PRKG1: variants seen among roughly 807,000 people sequenced by gnomAD.
PRKG1 encodes the protein cGMP-dependent protein kinase 1.
In PRKG1, 35 loss-of-function variants were observed where a neutral mutation model predicts 88.1. The ratio of observed to expected loss-of-function variants is 0.40; its 90% CI spans 0.30 to 0.53. The LOEUF (loss-of-function observed/expected upper bound fraction) is 0.53. PRKG1 is among the 20% of genes least tolerant of loss of function. The probability of loss-of-function intolerance (pLI) is 0.59; values close to 1 mark genes in which losing one functional copy is unlikely to be tolerated. For synonymous variants in PRKG1, 303 were observed against 292.5 expected, an observed-to-expected ratio of 1.04 and a Z score of -0.37; for missense variants, 540 against 839.8, an observed-to-expected ratio of 0.64 and a Z score of 4.41.
At chr10:52,201,778 A>G (rs1839676287) in intron 9 of PRKG1, among the ~76,000 whole-genome samples, 1 of 152,042 alleles carries the variant, frequency 6.6e-6, no homozygotes, top group African/African-American at 2.4e-5. Context: ...CTCCCTGACT[A>G]GATGTATTCC....
At chr10:52,011,934 C>T (rs1433179746) in intron 5 of PRKG1, among the ~76,000 whole-genome samples, 1 of 152,184 alleles carries the variant, frequency 6.6e-6, no homozygotes, top group African/African-American at 2.4e-5. Flanking sequence ...TTGCCTGCTG[C>T]CATCCATGTA....
chr10:51,799,239 C>T (rs1490476955), intron 3 of PRKG1, among the ~76,000 whole-genome samples: 2 of 152,108 alleles, frequency 1.3e-5, no homozygotes, highest in East Asian at 1.9e-4. Flanking sequence ...TGCTTTAAAC[C>T]CTTCCGTGCC....
Position 51,459,760 on chromosome 10 carries a change from G to A in PRKG1, c.479-7963G>A, listed in dbSNP as rs1359738569. On this transcript the variant is annotated intron_variant, in intron 2 of 17. Coordinates refer to ENST00000373980, the MANE Select transcript of PRKG1 (RefSeq NM_006258.4). Reference sequence around the variant, plus strand: ...AGGATGTTATTCTAACATCAGTAGAGTGTCTTCATAAGCTTAGAAATTTCT... The same window carrying A: ...AGGATGTTATTCTAACATCAGTAGAATGTCTTCATAAGCTTAGAAATTTCT... Among the ~76,000 whole-genome samples the A allele has an allele frequency of 2.0e-5, 3 of 152,116 alleles. No individual in the cohort carries two copies. The East Asian group carries it at 5.8e-4, about 29-fold the overall frequency.
At chr10:51,640,180 A>G (rs1467801437) in intron 3 of PRKG1, among the ~76,000 whole-genome samples, 1 of 152,180 alleles carries the variant, frequency 6.6e-6, no homozygotes, top group African/African-American at 2.4e-5. Context: ...CCAATTGTAC[A>G]TGGTAGATGG....
At chr10:51,952,001 A>C (rs2133054240) in intron 5 of PRKG1, among the ~76,000 whole-genome samples, 1 of 152,314 alleles carries the variant, frequency 6.6e-6, no homozygotes, top group Admixed American at 6.5e-5. Context: ...TGCCATACCC[A>C]TTTGTTAACA....
chr10:51,783,423 C>T (rs574838881), intron 3 of PRKG1, among the ~76,000 whole-genome samples: 18 of 152,144 alleles, frequency 1.2e-4, no homozygotes, highest in Non-Finnish European at 2.1e-4. Context: ...GGATTACAAG[C>T]GTCCCCCACC....
rs1171749391 is a variant in PRKG1, at chr10:51,449,382, G to A, written c.479-18341G>A. On this transcript the variant is annotated intron_variant, in intron 2 of 17. Transcript: ENST00000373980. ...TGGGAAATGTGAAGAACTTATGTAA[G>A]CCCTTTTGTCTTGGTCTCACTGAAG... 4.6e-5 allele frequency among the ~76,000 whole-genome samples: 7 copies of A among 151,380 alleles called. No individual in the cohort carries two copies. In the South Asian group the frequency reaches 1.5e-3, roughly 32 times the overall value.
intron 2 of PRKG1, among the ~76,000 whole-genome samples, chr10:51,301,739 C>T (rs945481831): frequency 2.0e-5 from 3 of 152,128 alleles, no homozygotes; most frequent in African/African-American, 4.8e-5. Flanking sequence ...ACCACTTTCC[C>T]GTAAGAAGCC....
intron 2 of PRKG1, among the ~76,000 whole-genome samples, chr10:51,345,112 CGTTTAT>C (rs1842083803): frequency 6.6e-6 from 1 of 151,890 alleles, no homozygotes; most frequent in Non-Finnish European, 1.5e-5. Context: ...ATGGGTGCTG[CGTTTAT>C]GTCAGAAAAC....
chr10:51,950,922 C>A (rs1031732568), intron 5 of PRKG1, among the ~76,000 whole-genome samples: 3 of 152,208 alleles, frequency 2.0e-5, no homozygotes, highest in African/African-American at 7.2e-5. Context: ...CTGCAGAGAG[C>A]GGACGTGGGG....
chr10:51,404,884 G>A (rs1420314433), intron 2 of PRKG1, among the ~76,000 whole-genome samples: 2 of 152,104 alleles, frequency 1.3e-5, no homozygotes, highest in East Asian at 3.9e-4. Context: ...TGGTGAGCAA[G>A]GGGCCATCCT....
intron 7 of PRKG1, among the ~76,000 whole-genome samples, chr10:52,120,220 A>G (rs1847788195): frequency 6.6e-6 from 1 of 152,174 alleles, no homozygotes; most frequent in Non-Finnish European, 1.5e-5. Context: ...TAAAGATCCC[A>G]CCACTCAATA....
At chr10:51,262,960 C>T (rs1034076809) in intron 2 of PRKG1, among the ~76,000 whole-genome samples, 2 of 152,116 alleles carry the variant, frequency 1.3e-5, no homozygotes, top group South Asian at 2.1e-4. Flanking sequence ...CTCTATCAGC[C>T]CACATAAGAG....
At chr10:51,782,904 C>T (rs1564644879) in intron 3 of PRKG1, among the ~76,000 whole-genome samples, 3 of 151,982 alleles carry the variant, frequency 2.0e-5, no homozygotes, top group African/African-American at 4.8e-5. Flanking sequence ...TTATCAGTAG[C>T]GTGAAAATGG....
rs562929332 is a variant in PRKG1 at position 51,066,910 on chromosome 10, G to A, written c.266+75266G>A. 8.6e-5 allele frequency among the ~76,000 whole-genome samples: 13 copies of A among 152,020 alleles called. No individual in the cohort carries two copies. In the East Asian group the frequency reaches 1.2e-3, roughly 14 times the overall value. Reference sequence around the variant, plus strand: ...CTGAGGGAAGCCCTGCATTAGAGTCGCCTGGTTGCTAGCAGAGCTTTCTTT... The same window carrying A: ...CTGAGGGAAGCCCTGCATTAGAGTCACCTGGTTGCTAGCAGAGCTTTCTTT... On this transcript the variant is annotated intron_variant, in intron 1 of 17. Transcript: ENST00000401604.
At chr10:52,069,324 A>G (rs1376812818) in intron 7 of PRKG1, among the ~76,000 whole-genome samples, 1 of 152,120 alleles carries the variant, frequency 6.6e-6, no homozygotes, top group Non-Finnish European at 1.5e-5. Context: ...TGAGGTCAGG[A>G]GTTTGAGACC....
At chr10:51,987,533 A>G (rs2133121614) in intron 5 of PRKG1, among the ~76,000 whole-genome samples, 1 of 151,416 alleles carries the variant, frequency 6.6e-6, no homozygotes, top group Admixed American at 6.6e-5. Flanking sequence ...TTTCACTTTC[A>G]ACAGTCCCAG....
intron 7 of PRKG1, among the ~76,000 whole-genome samples, chr10:52,120,804 C>T (rs1304488484): frequency 8.5e-5 from 13 of 152,056 alleles, no homozygotes; most frequent in Admixed American, 8.5e-4. Context: ...TGCACTCTGG[C>T]GGCTCTACGG....
chr10:51,704,617 G>C (rs2132421209), intron 3 of PRKG1, among the ~76,000 whole-genome samples: 1 of 152,274 alleles, frequency 6.6e-6, no homozygotes, highest in South Asian at 2.1e-4. Context: ...GAGATTTAGG[G>C]AAGGGTTATA....
Sources: gnomAD v4.1 joint callset for allele counts (sites outside exome capture counted in the v4.1 genomes callset) on GRCh38, gnomAD v4.1.1 for gene constraint, MANE v1.5 for transcripts, NCBI Gene and HGNC (gene_info 2026-07-23, HGNC 2026-07-21) for gene names.